The following ST6GAL2 variants were observed in gnomAD, a reference collection of about 807,000 sequenced individuals.
ST6GAL2 encodes beta-galactoside alpha-2,6-sialyltransferase 2.
ST6GAL2 carries 24 observed loss-of-function variants against 37.5 expected under a neutral mutation model. The observed-to-expected ratio is 0.64, with a 90% CI of 0.46 to 0.90. The LOEUF (loss-of-function observed/expected upper bound fraction) is 0.90, where lower values mean the gene tolerates loss of function less well. Ranked by LOEUF, ST6GAL2 falls within the 40% of genes least tolerant of loss-of-function variation. The probability of loss-of-function intolerance (pLI) is 0.00; values close to 1 mark genes in which losing one functional copy is unlikely to be tolerated. For missense variants in ST6GAL2, 715 were observed against 712.7 expected (o/e 1.00, Z -0.04); for synonymous variants, 306 against 295.1 (o/e 1.04, Z -0.38).
At position 106,832,332 on chromosome 2, in the gene ST6GAL2, C is replaced by T. The variant is rs12622300; in HGVS notation, c.1143+233G>A. 0.08 allele frequency among the ~76,000 whole-genome samples: 12,202 copies of T among 152,184 alleles called. 1,153 individuals are homozygous for T. The highest frequency in any genetic ancestry group is 0.49 in the East Asian group (2,526 of 5,170). On this transcript the variant is annotated intron_variant, in intron 4 of 5. Transcript: ENST00000409382. ...TTAGATATTCTACATTTCCCCCACC[C>T]GGCTGCCCTGCCCACCGATTCTGCA...
At chr2:106,808,721 AT>A (rs1396980168) in intron 5 of ST6GAL2, among the ~76,000 whole-genome samples, 1 of 152,054 alleles carries the variant, frequency 6.6e-6, no homozygotes, top group Admixed American at 6.5e-5. Flanking sequence ...GCTCTCAAAC[AT>A]TTTTTCTCCC....
chr2:106,883,571 A>G lies in ST6GAL2; in HGVS notation c.-58+2522T>C, dbSNP rs115921820. Among the ~76,000 whole-genome samples the G allele has an allele frequency of 4.8e-3, 725 of 152,228 alleles. 7 individuals are homozygous for G. The highest frequency in any genetic ancestry group is 0.017 in the African/African-American group (688 of 41,506). ...ACTTTTATAGTCATTTGGGAATTTCATCCCATTTTTTTTAAGGGATGAGAT... is the reference window on the plus strand; with the variant it reads ...ACTTTTATAGTCATTTGGGAATTTCGTCCCATTTTTTTTAAGGGATGAGAT... On this transcript the variant is annotated intron_variant, in intron 1 of 5. Transcript: ENST00000409382.
rs1378732901 is a variant in ST6GAL2 at position 106,832,595 on chromosome 2, G to A, written c.1113C>T (p.Asp371=). The change falls in exon 4 of 6, where the codon GAC becomes GAT. Residue 371 remains aspartate (D), a synonymous_variant. Coordinates refer to ENST00000409382, the MANE Select transcript of ST6GAL2 (RefSeq NM_001142351.2). ...TAAGATTTGCGGAATATGGGGCAGG[G>A]TCCCAGGCCACCAAAATGACGTCTT... ...LYKDVILVAW[D]PAPYSANLNL... is the part of the protein sequence containing the mutation. 6.2e-7 allele frequency: 1 copy of A among 1,605,136 alleles called. No individual in the cohort carries two copies. Among genetic ancestry groups the A allele is most frequent in the Non-Finnish European group, 8.5e-7 (1 of 1,176,804 alleles).
intron 1 of ST6GAL2, among the ~76,000 whole-genome samples, chr2:106,859,983 C>G (rs1253047971): frequency 6.6e-6 from 1 of 152,128 alleles, no homozygotes; most frequent in African/African-American, 2.4e-5. Flanking sequence ...CTACCCGACC[C>G]CTTGCTGCCC....
chr2:106,867,964 G>T (rs998330383), intron 1 of ST6GAL2, among the ~76,000 whole-genome samples: 1 of 152,066 alleles, frequency 6.6e-6, no homozygotes, highest in East Asian at 1.9e-4. Context: ...AAAGAATAAG[G>T]TATTATTATA....
intron 1 of ST6GAL2, among the ~76,000 whole-genome samples, chr2:106,851,171 T>G (rs1677344912): frequency 6.6e-6 from 1 of 152,242 alleles, no homozygotes; most frequent in Admixed American, 6.5e-5. Context: ...TCTGCCTATT[T>G]GGACTACTTT....
intron 1 of ST6GAL2, among the ~76,000 whole-genome samples, chr2:106,850,630 G>A (rs935957463): frequency 2.0e-5 from 3 of 152,106 alleles, no homozygotes; most frequent in South Asian, 2.1e-4. Context: ...CAGAAATCAC[G>A]ATCTGCATCA....
At chr2:106,830,889 G>A (rs1260937631) in intron 4 of ST6GAL2, among the ~76,000 whole-genome samples, 1 of 152,070 alleles carries the variant, frequency 6.6e-6, no homozygotes, top group Non-Finnish European at 1.5e-5. Flanking sequence ...ATACATGAGT[G>A]TATAAATTTA....
chr2:106,838,775 C>T (rs1163474067), intron 2 of ST6GAL2, among the ~76,000 whole-genome samples: 5 of 152,190 alleles, frequency 3.3e-5, no homozygotes, highest in Non-Finnish European at 2.9e-5. Context: ...GTGGCTCACA[C>T]CTGTACTTCC....
intron 1 of ST6GAL2, among the ~76,000 whole-genome samples, chr2:106,850,360 A>C (rs976488588): frequency 6.6e-6 from 1 of 152,172 alleles, no homozygotes; most frequent in Admixed American, 6.5e-5. Flanking sequence ...CTCTCTGAGC[A>C]TCTTTAAAGG....
chr2:106,828,163 A>T (rs1676277095), intron 5 of ST6GAL2, among the ~76,000 whole-genome samples: 1 of 152,236 alleles, frequency 6.6e-6, no homozygotes, highest in Admixed American at 6.5e-5. Flanking sequence ...TGAATTTTTT[A>T]AACCCCATGT....
In ST6GAL2 at chr2:106,843,800, C is replaced by T; in HGVS notation, c.178G>A (p.Ala60Thr). Residue 60 changes from alanine to threonine, a missense_variant, in exon 2 of 6, where the codon GCC becomes ACC. Around this residue, in one of 3 missense-constraint regions of ST6GAL2, gnomAD observed 512 missense variants for 488.8 expected, o/e 1.05. Transcript: ENST00000409382. ...GGCTCATGTGCGGCGCCCATGATGG[C>T]CCGCTGCTTCCCCTGCACCGGCAGG... is the stretch of plus-strand genomic sequence containing the variant. ...RLLPVQGKQRAIMGAAHEPSP... is the reference protein window; with the variant it reads ...RLLPVQGKQRTIMGAAHEPSP... 6.2e-7 allele frequency: 1 copy of T among 1,610,992 alleles called. No homozygotes were observed. Among genetic ancestry groups the T allele is most frequent in the Non-Finnish European group, 8.5e-7 (1 of 1,178,548 alleles).
At chr2:106,838,064 G>A (rs1204645360) in intron 2 of ST6GAL2, among the ~76,000 whole-genome samples, 1 of 152,168 alleles carries the variant, frequency 6.6e-6, no homozygotes, top group Non-Finnish European at 1.5e-5. Context: ...GACACGTTCT[G>A]TAAACGTACA....
At chr2:106,851,399 T>C (rs540105546) in intron 1 of ST6GAL2, among the ~76,000 whole-genome samples, 2 of 152,196 alleles carry the variant, frequency 1.3e-5, no homozygotes, top group Admixed American at 1.3e-4. Flanking sequence ...CACAAAAGAG[T>C]GTTTAAATTC....
chr2:106,859,689 T>C (rs941358765), intron 1 of ST6GAL2, among the ~76,000 whole-genome samples: 3 of 152,156 alleles, frequency 2.0e-5, no homozygotes, highest in African/African-American at 7.2e-5. Flanking sequence ...TTGCCTTCTG[T>C]ACTGCCCCCA....
intron 2 of ST6GAL2, 22 bp downstream of exon 2, chr2:106,843,013 T>C (rs1419795386): frequency 5.1e-6 from 7 of 1,366,952 alleles, no homozygotes; most frequent in Non-Finnish European, 6.6e-6. Flanking sequence ...CAGGGCGACC[T>C]GGTCCCCCCG....
At chr2:106,838,355 C>G (rs1231325514) in intron 2 of ST6GAL2, among the ~76,000 whole-genome samples, 1 of 152,184 alleles carries the variant, frequency 6.6e-6, no homozygotes, top group Admixed American at 6.5e-5. Flanking sequence ...TCCCCCTCTC[C>G]TACACTGATG....
intron 2 of ST6GAL2, among the ~76,000 whole-genome samples, chr2:106,836,104 T>C (rs896890801): frequency 2.0e-5 from 3 of 152,202 alleles, no homozygotes; most frequent in African/African-American, 7.2e-5. Context: ...TATTAATTTA[T>C]TTTAAAACAG....
intron 1 of ST6GAL2, among the ~76,000 whole-genome samples, chr2:106,863,090 C>T (rs1235729450): frequency 6.6e-6 from 1 of 151,878 alleles, no homozygotes; most frequent in Admixed American, 6.6e-5. Context: ...TGGGACAGGC[C>T]TTACAAGGAC....
Sources: allele counts gnomAD v4.1 joint callset (sites outside exome capture counted in the v4.1 genomes callset), GRCh38; gene constraint gnomAD v4.1.1; regional missense constraint gnomAD v4.1.1; transcripts MANE v1.5; gene names NCBI Gene and HGNC (gene_info 2026-07-23, HGNC 2026-07-21).